Variants in GRK7 observed in about 807,000 individuals in gnomAD.
The protein encoded by GRK7 is rhodopsin kinase GRK7.
In GRK7, 24 loss-of-function variants were observed where a neutral mutation model predicts 34.1. The ratio of observed to expected loss-of-function variants is 0.70; its 90% CI spans 0.51 to 0.99. The LOEUF (loss-of-function observed/expected upper bound fraction) is 0.99, where lower values mean the gene tolerates loss of function less well. Ranked by LOEUF, GRK7 falls within the 50% of genes least tolerant of loss-of-function variation. The probability of loss-of-function intolerance (pLI) is 0.00; values close to 1 mark genes in which losing one functional copy is unlikely to be tolerated. For missense variants in GRK7, 644 were observed against 707.3 expected, an observed-to-expected ratio of 0.91 and a Z score of 1.02; for synonymous variants, 256 against 279.4, an observed-to-expected ratio of 0.92 and a Z score of 0.84.
intron 2 of GRK7, among the ~76,000 whole-genome samples, chr3:141,776,012 C>T (rs534929366): frequency 4.6e-5 from 7 of 152,146 alleles, no homozygotes; most frequent in African/African-American, 1.2e-4. Flanking sequence ...CGGCCAGGCA[C>T]GGTGGCTCAC....
At chr3:141,782,893 G>A (rs986962715) in intron 4 of GRK7, among the ~76,000 whole-genome samples, 2 of 152,016 alleles carry the variant, frequency 1.3e-5, no homozygotes, top group African/African-American at 4.8e-5. Context: ...GGTTTCAGGG[G>A]CATATCCTAG....
chr3:141,769,159 C>A (rs2084604180), intron 1 of GRK7, among the ~76,000 whole-genome samples: 1 of 152,122 alleles, frequency 6.6e-6, no homozygotes, highest in Admixed American at 6.5e-5. Context: ...CCAGGCACCC[C>A]AAATTCTGCA....
At chr3:141,805,859 C>T (rs1048765239) in intron 4 of GRK7, among the ~76,000 whole-genome samples, 1 of 152,188 alleles carries the variant, frequency 6.6e-6, no homozygotes, top group African/African-American at 2.4e-5. Flanking sequence ...AGTGCTGTGG[C>T]TCGTCTATCG....
chr3:141,787,029 C>T (rs544198318), intron 4 of GRK7, among the ~76,000 whole-genome samples: 3 of 152,122 alleles, frequency 2.0e-5, no homozygotes, highest in Non-Finnish European at 4.4e-5. Context: ...AAACAGGGGC[C>T]TCCTTTCTAC....
the GRK7 span, among the ~76,000 whole-genome samples, chr3:141,750,928 T>C: frequency 1.2e-4 from 18 of 151,982 alleles, no homozygotes; most frequent in African/African-American, 4.4e-4. Flanking sequence ...TCTCAGCTAT[T>C]TGGGAGGCTG....
At chr3:141,780,097 C>A (rs138701750) in intron 3 of GRK7, among the ~76,000 whole-genome samples, 213 of 152,374 alleles carry the variant, frequency 1.4e-3, no homozygotes, top group Non-Finnish European at 2.4e-3. Flanking sequence ...AAACTTTCCA[C>A]ATTTTTTATT....
At chr3:141,790,906 C>T (rs949678011) in intron 4 of GRK7, among the ~76,000 whole-genome samples, 26 of 152,204 alleles carry the variant, frequency 1.7e-4, no homozygotes, top group Non-Finnish European at 3.2e-4. Context: ...TCTGCCTGTG[C>T]TCAGTTGACA....
At chr3:141,800,557 A>AAC (rs1280893676) in intron 4 of GRK7, among the ~76,000 whole-genome samples, 8 of 152,216 alleles carry the variant, frequency 5.3e-5, no homozygotes, top group Non-Finnish European at 1.0e-4. Context: ...ATGAAACAAG[A>AAC]ACAAATGCTG....
At chr3:141,768,293 G>A (rs114932376) in intron 1 of GRK7, among the ~76,000 whole-genome samples, 10,116 of 144,714 alleles carry the variant, frequency 0.07, 393 homozygotes, top group South Asian at 0.11. Context: ...TTTTTGAGAC[G>A]GAGTCTCGCT....
the GRK7 span, among the ~76,000 whole-genome samples, chr3:141,753,074 C>G: frequency 6.6e-6 from 1 of 152,198 alleles, no homozygotes; most frequent in Non-Finnish European, 1.5e-5. Context: ...TGACTAATAC[C>G]TGCCTAAGAT....
chr3:141,789,970 G>C (rs2084715954), intron 4 of GRK7, among the ~76,000 whole-genome samples: 1 of 152,136 alleles, frequency 6.6e-6, no homozygotes, highest in African/African-American at 2.4e-5. Context: ...ATCTTATTGA[G>C]TTCATGCACA....
chr3:141,797,494 G>A (rs1201865644), intron 4 of GRK7, among the ~76,000 whole-genome samples: 2 of 152,222 alleles, frequency 1.3e-5, no homozygotes, highest in Non-Finnish European at 2.9e-5. Context: ...GAAGGAGAGA[G>A]CCCCAGGAAA....
the GRK7 span, among the ~76,000 whole-genome samples, chr3:141,751,164 G>A: frequency 1.3e-5 from 2 of 152,174 alleles, no homozygotes; most frequent in South Asian, 4.1e-4. Flanking sequence ...AGCCTCTAAG[G>A]AGATGCCTAC....
chr3:141,817,216 T>C lies in GRK7; in HGVS notation c.*166T>C, dbSNP rs958103858. ...CTCACTACTAGAACACATTTTATTT[T>C]CTTTTTCTTTCTTCATAAAGATGAG... On this transcript the variant is annotated 3_prime_UTR_variant, in exon 6 of 6. Coordinates refer to ENST00000682958, the MANE Select transcript of GRK7 (RefSeq NM_139209.3). The C allele has an allele frequency of 1.5e-5, 8 of 518,314 alleles. No homozygotes were observed. Among genetic ancestry groups the C allele is most frequent in the South Asian group, 7.4e-5 (2 of 27,120 alleles). 32.1% of individuals were successfully genotyped at this position (518,314 alleles called of 1,614,324 possible). A position where few individuals can be genotyped will look rare whatever the true frequency, so the allele number is the denominator to read the frequency against.
chr3:141,786,347 G>GC (rs1166657037), intron 4 of GRK7, among the ~76,000 whole-genome samples: 2 of 152,110 alleles, frequency 1.3e-5, no homozygotes, highest in East Asian at 1.9e-4. Flanking sequence ...TTCTAAGATG[G>GC]CCCCCCATCA....
Position 141,807,863 on chromosome 3 carries a change from A to C in GRK7, c.1269A>C (p.Ala423=). ...AGCATGATAACTTCACAGAGGAAGC[A>C]AAAGATATTTGCAGGCTCTTCTTGG... ...KFQHDNFTEE[A]KDICRLFLAK... The change falls in exon 5 of 6, where the codon GCA becomes GCC. Residue 423 remains alanine, a synonymous_variant. Transcript: ENST00000682958. The C allele has an allele frequency of 6.2e-7, 1 of 1,611,488 alleles. No homozygotes were observed. Among genetic ancestry groups the C allele is most frequent in the Non-Finnish European group, 8.5e-7 (1 of 1,178,106 alleles).
At position 141,763,880 on chromosome 3, in the gene GRK7, T is replaced by C. The variant is rs112736275; in HGVS notation, c.-2073T>C. Among the ~76,000 whole-genome samples the C allele has an allele frequency of 8.4e-4, 128 of 152,202 alleles. No homozygotes were observed. Among genetic ancestry groups the C allele is most frequent in the Non-Finnish European group, 1.5e-3 (101 of 67,982 alleles). ...TCCGTCCTCTTCCCTTCCCTACAAA[T>C]TCCCTCCATTTTGTTTTCCCTAAAA... On this transcript the variant is annotated 5_prime_UTR_variant, in exon 1 of 6. Coordinates refer to ENST00000682958, the MANE Select transcript of GRK7 (RefSeq NM_139209.3).
chr3:141,799,264 G>A (rs1172605466), intron 4 of GRK7, among the ~76,000 whole-genome samples: 1 of 152,146 alleles, frequency 6.6e-6, no homozygotes, highest in East Asian at 1.9e-4. Flanking sequence ...ACTTGGAGGG[G>A]TAAGAAAAAG....
At chr3:141,799,850 A>G (rs1710932934) in intron 4 of GRK7, among the ~76,000 whole-genome samples, 1 of 152,184 alleles carries the variant, frequency 6.6e-6, no homozygotes, top group South Asian at 2.1e-4. Context: ...GTGTTTCACA[A>G]TCCTTTGTTC....
Sources: gnomAD v4.1 joint callset for allele counts (sites outside exome capture counted in the v4.1 genomes callset) on GRCh38, gnomAD v4.1.1 for gene constraint, MANE v1.5 for transcripts, NCBI Gene and HGNC (gene_info 2026-07-23, HGNC 2026-07-21) for gene names.